The following PCDHA4 variants were observed in gnomAD, a reference collection of about 807,000 sequenced individuals.
PCDHA4 encodes the protein protocadherin alpha 4.
Under a neutral mutation model 61.4 loss-of-function variants are expected in PCDHA4, and 49 were observed. That is an observed-to-expected ratio of 0.80 (90% CI 0.63 to 1.01). The LOEUF (loss-of-function observed/expected upper bound fraction) is 1.01, where lower values mean the gene tolerates loss of function less well. Among genes scored for constraint, PCDHA4 ranks in the 50% least tolerant of loss-of-function variants. The pLI is 0.00. For missense variants in PCDHA4, 1,254 were observed against 1,235.8 expected (o/e 1.01, Z -0.22); for synonymous variants, 590 against 550.3 (o/e 1.07, Z -1.01).
At chr5:140,863,428 G>A (rs528139564) in intron 1 of PCDHA4, 7 of 657,564 alleles carry the variant, frequency 1.1e-5, no homozygotes, top group Non-Finnish European at 1.9e-5. Context: ...CAGCGTAGTG[G>A]GATCTGGTCT....
chr5:140,968,737 C>T, intron 1 of PCDHA4: 2 of 1,614,148 alleles, frequency 1.2e-6, no homozygotes, highest in Non-Finnish European at 1.7e-6. Flanking sequence ...GCACTTTCAA[C>T]CTGACCGTGG....
intron 1 of PCDHA4, chr5:140,853,614 A>G (rs1477333407): frequency 1.0e-6 from 1 of 988,026 alleles, no homozygotes; most frequent in Non-Finnish European, 1.2e-6. Flanking sequence ...GGGTGCTGTA[A>G]ATAAGTATAC....
intron 1 of PCDHA4, among the ~76,000 whole-genome samples, chr5:140,941,214 CCTTTCTTTCTTT>C (rs60032403): frequency 3.3e-5 from 4 of 122,414 alleles, no homozygotes; most frequent in Non-Finnish European, 6.8e-5. Flanking sequence ...TTTCTTTCTT[CCTTTCTTTCTTT>C]CTTTCTTTCT....
At chr5:140,897,458 G>A (rs191522392) in intron 1 of PCDHA4, among the ~76,000 whole-genome samples, 7 of 151,428 alleles carry the variant, frequency 4.6e-5, no homozygotes, top group African/African-American at 2.4e-5. Context: ...TTGTCCTTGC[G>A]ATAGTTTACT....
chr5:140,875,928 T>C (rs782425352), intron 1 of PCDHA4: 1 of 1,614,188 alleles, frequency 6.2e-7, no homozygotes, highest in South Asian at 1.1e-5. Flanking sequence ...ACTCTCATTT[T>C]CCTCTAGAGG....
rs782037799 is a variant in PCDHA4 at position 140,877,180 on chromosome 5, G to A, written c.2385+67608G>A. ...CGCGCCGGCACTGCTGGCGACTCCG[G>A]CTGGCAGCGCAGGAGGCGCAGTTAG... On this transcript the variant is annotated intron_variant, in intron 1 of 3. Transcript: ENST00000530339. The A allele has an allele frequency of 1.1e-5, 18 of 1,613,692 alleles. No individual in the cohort carries two copies. In the South Asian group the frequency reaches 1.5e-4, roughly 14 times the overall value.
At chr5:140,849,484 T>A (rs2040926970) in intron 1 of PCDHA4, 1 of 1,590,814 alleles carries the variant, frequency 6.3e-7, no homozygotes, top group Non-Finnish European at 8.6e-7. Flanking sequence ...TTCCCACCCC[T>A]GGCTGGTCAT....
intron 1 of PCDHA4, chr5:140,825,426 T>C (rs1234497621): frequency 6.8e-6 from 1 of 147,558 alleles, no homozygotes; most frequent in Non-Finnish European, 1.5e-5. Flanking sequence ...ATATATATAA[T>C]AAATATATAA....
intron 1 of PCDHA4, chr5:140,836,474 C>A: frequency 6.2e-7 from 1 of 1,613,830 alleles, no homozygotes; most frequent in Non-Finnish European, 8.5e-7. Context: ...TGGATGTCAA[C>A]GTGTACCTGA....
At chr5:140,876,798 CG>C (rs1562719394) in intron 1 of PCDHA4, 1 of 1,614,180 alleles carries the variant, frequency 6.2e-7, no homozygotes, top group East Asian at 2.2e-5. Flanking sequence ...CTAGAGTGTC[CG>C]TGGAGGTGGC....
intron 1 of PCDHA4, chr5:140,853,147 G>C (rs1171856097): frequency 1.2e-6 from 1 of 825,412 alleles, no homozygotes; most frequent in Admixed American, 6.4e-5. Context: ...CCAAAATGCT[G>C]GGATTACAGG....
intron 1 of PCDHA4, among the ~76,000 whole-genome samples, chr5:140,963,754 T>C (rs190216638): frequency 2.3e-4 from 35 of 152,374 alleles, no homozygotes; most frequent in Admixed American, 7.2e-4. Flanking sequence ...TGATAATAAA[T>C]TGTTGTATTT....
chr5:140,910,715 A>C (rs2075137767), intron 1 of PCDHA4, among the ~76,000 whole-genome samples: 1 of 152,118 alleles, frequency 6.6e-6, no homozygotes, highest in Admixed American at 6.5e-5. Flanking sequence ...GCCATCTTTT[A>C]ATCCATATTT....
At chr5:140,823,724 T>A in intron 1 of PCDHA4, 6 of 1,613,808 alleles carry the variant, frequency 3.7e-6, no homozygotes, top group Non-Finnish European at 5.1e-6. Flanking sequence ...CTGGTGCTGG[T>A]GAAGGACCAT....
chr5:140,808,465 C>T lies in PCDHA4; in HGVS notation c.1278C>T (p.Thr426=), dbSNP rs372009115. 4.3e-6 allele frequency: 7 copies of T among 1,614,064 alleles called. No homozygotes were observed. The highest frequency in any genetic ancestry group is 1.7e-5 in the Admixed American group (1 of 60,018). The change falls in exon 1 of 4, where the codon ACC becomes ACT. Residue 426 remains threonine, a synonymous_variant. Coordinates refer to ENST00000530339, the MANE Select transcript of PCDHA4 (RefSeq NM_018907.4). ...TGTCAGCCTATGAGCTGGTGGTGAC[C>T]GCGCGAGACGGGGGCTCGCCTTCGC... ...ESVSAYELVV[T]ARDGGSPSLW...
At chr5:140,944,792 G>C (rs1411963111) in intron 1 of PCDHA4, among the ~76,000 whole-genome samples, 3 of 152,138 alleles carry the variant, frequency 2.0e-5, no homozygotes, top group African/African-American at 7.2e-5. Context: ...TATTTTACAA[G>C]TCTGTCGAGG....
chr5:140,828,605 C>A, intron 1 of PCDHA4: 1 of 1,614,210 alleles, frequency 6.2e-7, no homozygotes, highest in Admixed American at 1.7e-5. Context: ...AACCTATAAA[C>A]TCAGTTCTAG....
At chr5:140,992,044 T>A (rs1160444128) in intron 3 of PCDHA4, among the ~76,000 whole-genome samples, 1 of 151,788 alleles carries the variant, frequency 6.6e-6, no homozygotes, top group African/African-American at 2.4e-5. Flanking sequence ...TGTGTGTGTG[T>A]GTGTGTGTGT....
At chr5:140,824,477 T>G (rs1390927264) in intron 1 of PCDHA4, 4 of 386,518 alleles carry the variant, frequency 1.0e-5, no homozygotes, top group Non-Finnish European at 1.8e-5. Context: ...TTATTGTTAT[T>G]TTTTAGAGAC....
Sources: gnomAD v4.1 joint callset for allele counts (sites outside exome capture counted in the v4.1 genomes callset) on GRCh38, gnomAD v4.1.1 for gene constraint, MANE v1.5 for transcripts, NCBI Gene and HGNC (gene_info 2026-07-23, HGNC 2026-07-21) for gene names.